REG4: variants seen among roughly 807,000 people sequenced by gnomAD.
REG4 encodes regenerating family member 4, also known as regenerating islet-derived protein 4.
Under a neutral mutation model 22.3 loss-of-function variants are expected in REG4, and 16 were observed. The observed-to-expected ratio is 0.72, with a 90% CI of 0.49 to 1.09. The LOEUF (loss-of-function observed/expected upper bound fraction) is 1.09. Ranked by LOEUF, REG4 falls within the 50% of genes least tolerant of loss-of-function variation. The pLI is 0.00. For missense variants in REG4, 214 were observed against 193.9 expected, an observed-to-expected ratio of 1.10 and a Z score of -0.61; for synonymous variants, 71 against 69.2, an observed-to-expected ratio of 1.03 and a Z score of -0.13.
intron 2 of REG4, among the ~76,000 whole-genome samples, chr1:119,807,450 G>A (rs12057495): frequency 0.053 from 8,131 of 152,220 alleles, 712 homozygotes; most frequent in African/African-American, 0.18. Context: ...GAGATCCCAG[G>A]GATAGGAAGA....
chr1:119,803,076 C>T lies in REG4; in HGVS notation c.157G>A (p.Asp53Asn). 16 of 1,597,892 alleles carry T rather than the reference C, an allele frequency of 1.0e-5. No homozygotes were observed. Among genetic ancestry groups the T allele is most frequent in the Non-Finnish European group, 1.4e-5 (16 of 1,173,444 alleles). ...GYFRKLRNWS[D>N]AELECQSYGN... ...GGCAGCAAGTTTCTTACCTCGGCAT[C>T]AGACCAGTTCCTCAGCTTCCTGAAG... The change falls in exon 3 of 6, where the codon GAT becomes AAT. Residue 53 changes from aspartate to asparagine, a missense_variant. By Grantham distance (23) the Asp-to-Asn change is conservative. Transcript: ENST00000256585.
intron 3 of REG4, among the ~76,000 whole-genome samples, chr1:119,800,320 AT>A (rs1223781790): frequency 6.6e-6 from 1 of 152,262 alleles, no homozygotes; most frequent in Admixed American, 6.5e-5. Flanking sequence ...AGAAAATAAA[AT>A]CACTGTCAAT....
At chr1:119,808,325 C>G (rs960886711) in intron 2 of REG4, among the ~76,000 whole-genome samples, 1 of 152,152 alleles carries the variant, frequency 6.6e-6, no homozygotes, top group African/African-American at 2.4e-5. Context: ...AACTGGAATC[C>G]CTAATAATGC....
chr1:119,806,043 C>G (rs912278935), intron 2 of REG4, among the ~76,000 whole-genome samples: 5 of 152,346 alleles, frequency 3.3e-5, no homozygotes, highest in Admixed American at 3.3e-4. Context: ...GTGATCCTCC[C>G]ACCTCAGCCT....
At position 119,794,360 on chromosome 1, in the gene REG4, C is replaced by G. The variant is rs373373654; in HGVS notation, c.*258G>C. The G allele has an allele frequency of 1.7e-6, 1 of 599,810 alleles. No individual in the cohort carries two copies. 37.2% of individuals were successfully genotyped at this position (599,810 alleles called of 1,614,324 possible). A position where few individuals can be genotyped will look rare whatever the true frequency, so the allele number is the denominator to read the frequency against. Reference sequence around the variant, plus strand: ...TGGAGATGCACTCTTCTAGACTGCTCGAGACAGCCAGAGACAGGGGAGGAG... The same window carrying G: ...TGGAGATGCACTCTTCTAGACTGCTGGAGACAGCCAGAGACAGGGGAGGAG... On this transcript the variant is annotated 3_prime_UTR_variant, in exon 6 of 6. Coordinates refer to ENST00000256585, the MANE Select transcript of REG4 (RefSeq NM_032044.4).
At chr1:119,804,330 A>C (rs1356712640) in intron 2 of REG4, among the ~76,000 whole-genome samples, 1 of 152,246 alleles carries the variant, frequency 6.6e-6, no homozygotes, top group South Asian at 2.1e-4. Flanking sequence ...CTTTCAGATG[A>C]GCTCTCTGCT....
At chr1:119,804,139 G>T (rs778885288) in intron 2 of REG4, among the ~76,000 whole-genome samples, 1 of 152,168 alleles carries the variant, frequency 6.6e-6, no homozygotes. Flanking sequence ...TGACTATGTG[G>T]CTACCTTCTG....
At chr1:119,807,612 A>AG (rs1225441528) in intron 2 of REG4, among the ~76,000 whole-genome samples, 1 of 150,126 alleles carries the variant, frequency 6.7e-6, no homozygotes, top group African/African-American at 2.5e-5. Context: ...GCTCAAGAGC[A>AG]GCCCCCCAGA....
At chr1:119,809,016 AT>A in intron 1 of REG4, 153 bp from the exon 2 acceptor site, 1 of 429,482 alleles carries the variant, frequency 2.3e-6, no homozygotes, top group East Asian at 4.3e-5. Flanking sequence ...ATTTTAAGAG[AT>A]TTTGTTCTTA....
Position 119,794,571 on chromosome 1 carries a change from G to T in REG4, c.*47C>A. 1 of 1,524,892 alleles carries T rather than the reference G, an allele frequency of 6.6e-7. No homozygotes were observed. The highest frequency in any genetic ancestry group is 9.1e-7 in the Non-Finnish European group (1 of 1,098,788). The allele number at this position is 1,524,892 out of a possible 1,614,324, so 94.5% of individuals were successfully genotyped here. ...CAGATTTAGCCAGGCTAGCAGAAAGGAAGAGGACGGGGCTGTGCAGGAGTT... is the reference window on the plus strand; with the variant it reads ...CAGATTTAGCCAGGCTAGCAGAAAGTAAGAGGACGGGGCTGTGCAGGAGTT... On this transcript the variant is annotated 3_prime_UTR_variant, in exon 6 of 6. Transcript: ENST00000256585.
rs1448113778 is a variant in REG4 at position 119,808,907 on chromosome 1, G to A, written c.-94-44C>T. 8.9e-6 allele frequency: 5 copies of A among 564,570 alleles called. No individual in the cohort carries two copies. The East Asian group carries it at 1.6e-4, about 18-fold the overall frequency. 35.0% of individuals were successfully genotyped at this position (564,570 alleles called of 1,614,324 possible). A position where few individuals can be genotyped will look rare whatever the true frequency, so the allele number is the denominator to read the frequency against. On this transcript the variant is annotated intron_variant, in intron 1 of 5. Coordinates refer to ENST00000256585, the MANE Select transcript of REG4 (RefSeq NM_032044.4). ...GTGAGAAGGACCCAGGAATCTAGAT[G>A]CCAACTAATACATATGGAGGAAAAT...
chr1:119,805,418 G>C (rs1249779292), intron 2 of REG4, among the ~76,000 whole-genome samples: 1 of 152,114 alleles, frequency 6.6e-6, no homozygotes, highest in Non-Finnish European at 1.5e-5. Flanking sequence ...GTTTGGTCTT[G>C]TGCACTCTGA....
intron 2 of REG4, among the ~76,000 whole-genome samples, chr1:119,804,943 A>G (rs1654251219): frequency 6.6e-6 from 1 of 151,932 alleles, no homozygotes; most frequent in African/African-American, 2.4e-5. Context: ...TGTTTTATCC[A>G]TATGGCATTT....
At chr1:119,808,510 CAT>C (rs1217820125) in intron 2 of REG4, among the ~76,000 whole-genome samples, 191 bp downstream of exon 2, 3 of 152,204 alleles carry the variant, frequency 2.0e-5, no homozygotes, top group African/African-American at 7.2e-5. Context: ...GGGTTATAAT[CAT>C]ATGGAATTGA....
rs796992402 is a variant in REG4 at position 119,804,347 on chromosome 1, G to A, written c.68-1182C>T. Among the ~76,000 whole-genome samples the A allele has an allele frequency of 6.6e-4, 101 of 152,290 alleles. 1 individual carries two copies. The highest frequency in any genetic ancestry group is 2.3e-3 in the African/African-American group (94 of 41,546). On this transcript the variant is annotated intron_variant, in intron 2 of 5. Transcript: ENST00000256585. ...TTCAGATGAGCTCTCTGCTCGTCTA[G>A]CATGTAAGAGATTTTATAACCTGGT...
chr1:119,804,671 A>G (rs1654236382), intron 2 of REG4, among the ~76,000 whole-genome samples: 2 of 152,164 alleles, frequency 1.3e-5, no homozygotes, highest in South Asian at 2.1e-4. Flanking sequence ...TGCCGTTACT[A>G]CTAGTACCAC....
intron 2 of REG4, among the ~76,000 whole-genome samples, chr1:119,804,845 C>T (rs1236743150): frequency 6.6e-6 from 1 of 152,116 alleles, no homozygotes; most frequent in African/African-American, 2.4e-5. Flanking sequence ...TCTCCCCCTC[C>T]TCCTTCCTCA....
Position 119,799,737 on chromosome 1 carries a change from G to A in REG4, c.291C>T (p.His97=), listed in dbSNP as rs142055185. 44 of 1,613,832 alleles carry A rather than the reference G, an allele frequency of 2.7e-5. No homozygotes were observed. The highest frequency in any genetic ancestry group is 3.3e-5 in the Admixed American group (2 of 60,006). Residue 97 remains histidine, a synonymous_variant, in exon 4 of 6, where the codon CAC becomes CAT. Coordinates refer to ENST00000256585, the MANE Select transcript of REG4 (RefSeq NM_032044.4). The stretch of plus-strand genomic sequence containing the variant: ...AGTCTGAGGTTACCTTCTGTGGGTC[G>A]TGCAGGCCAATCCATATCGGCTGGC... ...QRSQPIWIGL[H]DPQKRQQWQW...
At chr1:119,795,795 G>A (rs12409248) in intron 5 of REG4, among the ~76,000 whole-genome samples, 4,653 of 152,314 alleles carry the variant, frequency 0.031, 174 homozygotes, top group East Asian at 0.095. Context: ...AATGAAACAG[G>A]GCCTGCAAGC....
Sources: gnomAD v4.1 joint callset for allele counts (sites outside exome capture counted in the v4.1 genomes callset) on GRCh38, gnomAD v4.1.1 for gene constraint, MANE v1.5 for transcripts, NCBI Gene and HGNC (gene_info 2026-07-23, HGNC 2026-07-21) for gene names.